DIP2A: variants seen among roughly 807,000 people sequenced by gnomAD.
The protein encoded by DIP2A is DIP2 acetate--CoA ligase A, also known as disco-interacting protein 2 homolog A.
Under a neutral mutation model 177.4 loss-of-function variants are expected in DIP2A, and 85 were observed. The observed-to-expected ratio is 0.48, with a 90% CI of 0.40 to 0.57. The LOEUF is 0.57. DIP2A is among the 20% of genes least tolerant of loss of function. The pLI is 0.00. For missense variants in DIP2A, 1,791 were observed against 2,100.2 expected (o/e 0.85, Z 2.88); for synonymous variants, 886 against 881.8 (o/e 1.00, Z -0.08).
In DIP2A at chr21:46,529,299, A is replaced by G. The variant is rs1601693556; in HGVS notation, c.1194+116A>G. ...TAGAATTACAGCATTAATACAAGGG[A>G]TTTAAAATCAGCAGTGAGGACTGGG... On this transcript the variant is annotated intron_variant, in intron 9 of 37. Transcript: ENST00000417564. 3.5e-5 allele frequency: 25 copies of G among 712,808 alleles called. No individual in the cohort carries two copies. In the East Asian group the frequency reaches 7.8e-4, roughly 22 times the overall value. The allele number at this position is 712,808 out of a possible 1,614,324, so 44.2% of individuals were successfully genotyped here.
chr21:46,530,300 C>T (rs2059301825), intron 9 of DIP2A, among the ~76,000 whole-genome samples: 1 of 152,172 alleles, frequency 6.6e-6, no homozygotes. Flanking sequence ...CCAAGTAGCT[C>T]TTTCAGTGCC....
intron 3 of DIP2A, among the ~76,000 whole-genome samples, chr21:46,495,225 TTCTCTTCTCTTCTCTTCTTTC>T (rs2057257629): frequency 2.1e-5 from 2 of 94,030 alleles, no homozygotes; most frequent in African/African-American, 1.1e-4. Context: ...TTCTCTTCTC[TTCTCTTCTCTTCTCTTCTTTC>T]TCTCTCTCTC....
At chr21:46,576,426 C>T in the DIP2A span, among the ~76,000 whole-genome samples, 4 of 152,138 alleles carry the variant, frequency 2.6e-5, no homozygotes, top group East Asian at 5.8e-4. Flanking sequence ...CTTCCAGCTC[C>T]ATCCATCTCC....
chr21:46,533,495 A>C (rs1601711924), intron 10 of DIP2A, 29 bp from the exon 11 acceptor site: 1 of 1,606,486 alleles, frequency 6.2e-7, no homozygotes. Context: ...TGAGCACCCC[A>C]CCCCACACGG....
chr21:46,466,342 CTTTT>C (rs71187318), intron 1 of DIP2A, among the ~76,000 whole-genome samples: 6 of 89,572 alleles, frequency 6.7e-5, no homozygotes, highest in Admixed American at 2.8e-4. Flanking sequence ...TACATTATAA[CTTTT>C]TTTTTTTTTT....
At chr21:46,509,458 T>G in intron 7 of DIP2A, 82 bp downstream of exon 7, 1 of 1,489,246 alleles carries the variant, frequency 6.7e-7, no homozygotes, top group Non-Finnish European at 9.0e-7. Flanking sequence ...AAATGTATAT[T>G]ATACATGGAT....
At chr21:46,577,964 C>T in the DIP2A span, among the ~76,000 whole-genome samples, 1 of 152,208 alleles carries the variant, frequency 6.6e-6, no homozygotes, top group African/African-American at 2.4e-5. Context: ...ATGCTTGTCA[C>T]TTTTGCACAT....
At chr21:46,514,190 T>C (rs2058441522) in intron 8 of DIP2A, among the ~76,000 whole-genome samples, 3 of 152,250 alleles carry the variant, frequency 2.0e-5, no homozygotes, top group South Asian at 4.2e-4. Context: ...ATCCCAGCAC[T>C]TTGGGAGGCC....
chr21:46,554,267 C>T lies in DIP2A; in HGVS notation c.3129C>T (p.Asp1043=), dbSNP rs2060373952. The T allele has an allele frequency of 1.2e-6, 2 of 1,613,928 alleles. No homozygotes were observed. The highest frequency in any genetic ancestry group is 1.3e-5 in the African/African-American group (1 of 75,028). Residue 1043 remains aspartate, a synonymous_variant, in exon 26 of 38, where the codon GAC becomes GAT. Transcript: ENST00000417564. The stretch of plus-strand genomic sequence containing the variant: ...AGAAGGGAAGACTGAGTGTTGGGGA[C>T]CATGTGGCTCTGGTCTACCCACCAG... The part of the protein sequence containing the change: ...LMEKGRLSVG[D]HVALVYPPGV...
chr21:46,498,866 G>T lies in DIP2A; in HGVS notation c.655+33G>T. On this transcript the variant is annotated intron_variant, in intron 5 of 37. Coordinates refer to ENST00000417564, the MANE Select transcript of DIP2A (RefSeq NM_015151.4). This position sits in a 1 kb window ranked among gnomAD's most constrained non-coding sequence, Gnocchi z 4.3. ...ATAAGCTGCTGCGGCCCCTGTGCCAGCAGAGCGGGGTCAGGAGTGTCCAGG... is the reference window on the plus strand; with the variant it reads ...ATAAGCTGCTGCGGCCCCTGTGCCATCAGAGCGGGGTCAGGAGTGTCCAGG... 1 of 1,580,388 alleles carries T rather than the reference G, an allele frequency of 6.3e-7. No individual in the cohort carries two copies. Among genetic ancestry groups the T allele is most frequent in the Non-Finnish European group, 8.6e-7 (1 of 1,161,200 alleles).
At chr21:46,582,956 C>T in the DIP2A span, among the ~76,000 whole-genome samples, 1 of 152,030 alleles carries the variant, frequency 6.6e-6, no homozygotes, top group South Asian at 2.1e-4. Flanking sequence ...TGTGTAAAAA[C>T]AAGCAAACAA....
At chr21:46,551,788 C>T (rs754600938) in intron 24 of DIP2A, 36 bp from the exon 25 acceptor site, 15 of 1,612,936 alleles carry the variant, frequency 9.3e-6, no homozygotes, top group Non-Finnish European at 1.2e-5. Context: ...GTCTGTGCCC[C>T]GGAGGCGCCA....
chr21:46,547,098 A>G (rs1309758995), intron 21 of DIP2A, 56 bp downstream of exon 21: 1 of 1,593,006 alleles, frequency 6.3e-7, no homozygotes, highest in African/African-American at 1.3e-5. Flanking sequence ...GCAGCTCGGG[A>G]AGTCTTTGTG....
chr21:46,525,916 TTATTA>T (rs2059061828), intron 8 of DIP2A, among the ~76,000 whole-genome samples: 1 of 101,468 alleles, frequency 9.9e-6, no homozygotes, highest in Non-Finnish European at 2.1e-5. Flanking sequence ...ATTATTATTA[TTATTA>T]TTTTGAGATG....
In DIP2A at chr21:46,514,191, T is replaced by TC. The variant is rs572212495; in HGVS notation, c.1102+2577_1102+2578insC. Among the ~76,000 whole-genome samples the TC allele has an allele frequency of 1.4e-4, 22 of 152,212 alleles. 2 individuals carry two copies. The South Asian group carries it at 4.4e-3, about 30-fold the overall frequency. ...GGCTCACACCTGTAATCCCAGCACT[T>TC]TGGGAGGCCGAGGCAGGCGGATCAT... On this transcript the variant is annotated intron_variant, in intron 8 of 37. Transcript: ENST00000417564.
intron 1 of DIP2A, among the ~76,000 whole-genome samples, chr21:46,472,896 A>G (rs1471724031): frequency 6.6e-6 from 1 of 152,224 alleles, no homozygotes; most frequent in Non-Finnish European, 1.5e-5. Flanking sequence ...ACTTTCTGCT[A>G]CGATGGGAAA....
intron 1 of DIP2A, among the ~76,000 whole-genome samples, chr21:46,460,912 T>A (rs955037748): frequency 6.6e-6 from 1 of 152,024 alleles, no homozygotes; most frequent in African/African-American, 2.4e-5. Context: ...CAGGCTGGTC[T>A]CAAACTCCTG....
the DIP2A span, among the ~76,000 whole-genome samples, chr21:46,577,722 G>A: frequency 6.6e-6 from 1 of 152,098 alleles, no homozygotes; most frequent in Non-Finnish European, 1.5e-5. Flanking sequence ...ATTACTTTGG[G>A]GAGTATGGCC....
chr21:46,539,791 C>A, intron 16 of DIP2A, 86 bp from the exon 17 acceptor site: 1 of 1,116,052 alleles, frequency 9.0e-7, no homozygotes, highest in Admixed American at 1.7e-5. Flanking sequence ...TGGCCGCAGG[C>A]TGCGCTAACT....
Sources: allele counts gnomAD v4.1 joint callset (sites outside exome capture counted in the v4.1 genomes callset), GRCh38; gene constraint gnomAD v4.1.1; non-coding constraint Gnocchi (gnomAD v3.1); transcripts MANE v1.5; gene names NCBI Gene and HGNC (gene_info 2026-07-23, HGNC 2026-07-21).